Variants in CDIN1 observed in about 807,000 individuals in gnomAD.
CDIN1 encodes the protein CDAN1-interacting nuclease 1.
Under a neutral mutation model 45.3 loss-of-function variants are expected in CDIN1, and 33 were observed. That is an observed-to-expected ratio of 0.73 (90% CI 0.55 to 0.97). The LOEUF is 0.97. Ranked by LOEUF, CDIN1 falls within the 50% of genes least tolerant of loss-of-function variation. The probability of loss-of-function intolerance (pLI) is 0.00; values close to 1 mark genes in which losing one functional copy is unlikely to be tolerated. For missense variants in CDIN1, 303 were observed against 339.4 expected (o/e 0.89, Z 0.84); for synonymous variants, 118 against 124.4 (o/e 0.95, Z 0.34).
chr15:36,605,357 G>T (rs889052398), intron 1 of CDIN1, among the ~76,000 whole-genome samples: 3 of 151,804 alleles, frequency 2.0e-5, no homozygotes, highest in African/African-American at 7.3e-5. Context: ...TGCTGTTTTT[G>T]TAACTTGTAT....
At chr15:36,666,562 C>G (rs908345062) in intron 5 of CDIN1, among the ~76,000 whole-genome samples, 1 of 152,018 alleles carries the variant, frequency 6.6e-6, no homozygotes, top group Non-Finnish European at 1.5e-5. Context: ...GTTATTTTCT[C>G]CCATTTGATT....
chr15:36,677,516 A>G (rs966901724), intron 5 of CDIN1, among the ~76,000 whole-genome samples: 1 of 152,150 alleles, frequency 6.6e-6, no homozygotes, highest in Admixed American at 6.6e-5. Flanking sequence ...ATCTACTTCC[A>G]TGTGAAAACC....
At chr15:36,613,388 TAAG>T (rs1275741596) in intron 1 of CDIN1, 1 of 1,002,292 alleles carries the variant, frequency 1.0e-6, no homozygotes, top group African/African-American at 1.6e-5. Flanking sequence ...TTCCTTGTCT[TAAG>T]AACTCAGTTT....
chr15:36,789,664 C>G (rs991595444), intron 10 of CDIN1, among the ~76,000 whole-genome samples: 3 of 152,178 alleles, frequency 2.0e-5, no homozygotes, highest in African/African-American at 7.2e-5. Flanking sequence ...CCAGACATCA[C>G]ACCGTGAGTC....
chr15:36,692,645 A>T (rs1163987274), intron 7 of CDIN1, among the ~76,000 whole-genome samples: 2 of 152,198 alleles, frequency 1.3e-5, no homozygotes, highest in Non-Finnish European at 2.9e-5. Flanking sequence ...ACAGATTCTT[A>T]TTGCTTAAAT....
chr15:36,737,927 T>C (rs568526030), intron 10 of CDIN1, among the ~76,000 whole-genome samples: 1 of 152,302 alleles, frequency 6.6e-6, no homozygotes, highest in East Asian at 1.9e-4. Context: ...TCACCTTTAC[T>C]TGACCTGTCC....
intron 4 of CDIN1, 100 bp downstream of exon 4, chr15:36,654,258 A>T: frequency 1.1e-6 from 1 of 940,214 alleles, no homozygotes; most frequent in Non-Finnish European, 1.6e-6. Flanking sequence ...GGAAAAAAAA[A>T]GGATTTGAGG....
chr15:36,709,173 C>G, intron 8 of CDIN1, 50 bp from the exon 9 acceptor site: 1 of 1,457,128 alleles, frequency 6.9e-7, no homozygotes, highest in Middle Eastern at 1.8e-4. Flanking sequence ...ATATTCCTAT[C>G]TTGTTAATTG....
At chr15:36,767,634 A>C (rs77450499) in intron 10 of CDIN1, among the ~76,000 whole-genome samples, 2,737 of 152,330 alleles carry the variant, frequency 0.018, 80 homozygotes, top group African/African-American at 0.061. Flanking sequence ...CACATGAGTA[A>C]TTGGACCTTC....
intron 1 of CDIN1, chr15:36,618,207 C>A: frequency 1.5e-6 from 1 of 675,536 alleles, no homozygotes; most frequent in South Asian, 1.7e-5. Flanking sequence ...CAAAAAAAAA[C>A]CTGAAGCCTC....
intron 3 of CDIN1, among the ~76,000 whole-genome samples, chr15:36,649,333 T>A (rs1214780323): frequency 6.6e-6 from 1 of 152,160 alleles, no homozygotes; most frequent in Non-Finnish European, 1.5e-5. Context: ...AGATCTGAAT[T>A]GCAATTGGGA....
In CDIN1 at chr15:36,809,030, T is replaced by G. The variant is rs1007979411; in HGVS notation, c.*577T>G. On this transcript the variant is annotated 3_prime_UTR_variant, in exon 11 of 11. Coordinates refer to ENST00000566621, the MANE Select transcript of CDIN1 (RefSeq NM_001321759.2). Reference sequence around the variant, plus strand: ...CAGAAGACCTTGATGGCAGCCTGCCTATGCTGTGTGTTTGCTATATTCAAT... The same window carrying G: ...CAGAAGACCTTGATGGCAGCCTGCCGATGCTGTGTGTTTGCTATATTCAAT... The G allele has an allele frequency of 1.1e-5, 5 of 452,580 alleles. No homozygotes were observed. Among genetic ancestry groups the G allele is most frequent in the Non-Finnish European group, 2.2e-5 (5 of 225,182 alleles). 28.0% of individuals were successfully genotyped at this position (452,580 alleles called of 1,614,324 possible).
chr15:36,641,330 T>C (rs758758035), intron 1 of CDIN1: 2 of 152,390 alleles, frequency 1.3e-5, no homozygotes, highest in Non-Finnish European at 2.9e-5. Flanking sequence ...ACCCAAGCTC[T>C]TTCCATCTTC....
At chr15:36,798,661 T>A (rs548998584) in intron 10 of CDIN1, 7 of 152,292 alleles carry the variant, frequency 4.6e-5, no homozygotes, top group East Asian at 1.9e-4. Context: ...AATCTCTTTG[T>A]TCCTTGAGAT....
chr15:36,772,764 A>G (rs948603337), intron 10 of CDIN1, among the ~76,000 whole-genome samples: 47 of 151,906 alleles, frequency 3.1e-4, no homozygotes, highest in African/African-American at 1.1e-3. Flanking sequence ...TGGGAGCACC[A>G]TGCTCTGATA....
intron 10 of CDIN1, among the ~76,000 whole-genome samples, chr15:36,785,788 T>G (rs2054474522): frequency 6.6e-6 from 1 of 152,228 alleles, no homozygotes; most frequent in Non-Finnish European, 1.5e-5. Flanking sequence ...TTATTGTAAC[T>G]GAGAAACTGC....
chr15:36,619,467 A>ATTTC (rs2039049663), intron 1 of CDIN1, among the ~76,000 whole-genome samples: 2 of 130,058 alleles, frequency 1.5e-5, no homozygotes, highest in South Asian at 5.2e-4. Context: ...ATGCTGGAGG[A>ATTTC]TTTCTATCTA....
chr15:36,808,771 G>GA lies in CDIN1; in HGVS notation c.*324dup. On this transcript the variant is annotated 3_prime_UTR_variant, in exon 11 of 11. Coordinates refer to ENST00000566621, the MANE Select transcript of CDIN1 (RefSeq NM_001321759.2). ...GTTTATCCTTGTATGCTGAACAAAA[G>GA]AAAAAATGTGAAGACTGAAAGGTGT... 6 of 453,538 alleles carry GA rather than the reference G, an allele frequency of 1.3e-5. 1 individual carries two copies. The highest frequency in any genetic ancestry group is 1.0e-4 in the South Asian group (6 of 59,274). The allele number at this position is 453,538 out of a possible 1,614,324, so 28.1% of individuals were successfully genotyped here. A position where few individuals can be genotyped will look rare whatever the true frequency, so the allele number is the denominator to read the frequency against.
At chr15:36,728,213 C>T (rs1208174535) in intron 10 of CDIN1, among the ~76,000 whole-genome samples, 2 of 152,120 alleles carry the variant, frequency 1.3e-5, no homozygotes, top group Non-Finnish European at 2.9e-5. Context: ...AAGTATGCTT[C>T]ACTGGAATTG....
Sources: gnomAD v4.1 joint callset for allele counts (sites outside exome capture counted in the v4.1 genomes callset) on GRCh38, gnomAD v4.1.1 for gene constraint, MANE v1.5 for transcripts, NCBI Gene and HGNC (gene_info 2026-07-23, HGNC 2026-07-21) for gene names.